PKP4: variants seen among roughly 807,000 people sequenced by gnomAD.
The protein encoded by PKP4 is plakophilin 4.
In PKP4, 90 loss-of-function variants were observed where a neutral mutation model predicts 145.1. That is an observed-to-expected ratio of 0.62 (90% CI 0.52 to 0.74). The LOEUF (loss-of-function observed/expected upper bound fraction) is 0.74. Among genes scored for constraint, PKP4 ranks in the 30% least tolerant of loss-of-function variants. The pLI, the probability that PKP4 is intolerant of heterozygous loss-of-function variation, is 0.00. For synonymous variants in PKP4, 563 were observed against 577.2 expected (o/e 0.98, Z 0.35); for missense variants, 1,340 against 1,482.7 (o/e 0.90, Z 1.58).
At chr2:158,599,144 G>T (rs2050020665) in intron 3 of PKP4, among the ~76,000 whole-genome samples, 2 of 152,198 alleles carry the variant, frequency 1.3e-5, no homozygotes, top group Non-Finnish European at 2.9e-5. Context: ...CATCAGAGGT[G>T]AGTGTTTGAA....
chr2:158,457,173 T>G lies in PKP4; in HGVS notation c.-51T>G, dbSNP rs986725336. The stretch of plus-strand genomic sequence containing the variant: ...CGCAGCGGCGACCCCTCGGCGCCGA[T>G]GTCCCTGATCCCTGGAGCGACGACG... On this transcript the variant is annotated 5_prime_UTR_variant, in exon 1 of 22. It removes an upstream start codon present in the reference 5' UTR. Transcript: ENST00000389759. The G allele has an allele frequency of 1.3e-5, 2 of 151,622 alleles. No homozygotes were observed. The highest frequency in any genetic ancestry group is 2.4e-5 in the African/African-American group (1 of 41,322). The allele number at this position is 151,622 out of a possible 1,614,324, so 9.4% of individuals were successfully genotyped here. A position where few individuals can be genotyped will look rare whatever the true frequency, so the allele number is the denominator to read the frequency against.
chr2:158,673,424 C>T (rs998145777), intron 17 of PKP4, among the ~76,000 whole-genome samples: 2 of 152,210 alleles, frequency 1.3e-5, no homozygotes, highest in African/African-American at 2.4e-5. Flanking sequence ...AGCTCAGGTT[C>T]GTCCCGGCCA....
At chr2:158,502,820 G>A (rs1374923059) in intron 1 of PKP4, among the ~76,000 whole-genome samples, 1 of 152,226 alleles carries the variant, frequency 6.6e-6, no homozygotes, top group Non-Finnish European at 1.5e-5. Flanking sequence ...CAGTGTGTTA[G>A]AGATGGTTTT....
chr2:158,531,769 G>A (rs2043570763), intron 1 of PKP4, among the ~76,000 whole-genome samples: 1 of 152,118 alleles, frequency 6.6e-6, no homozygotes, highest in Non-Finnish European at 1.5e-5. Flanking sequence ...ATTCATACTT[G>A]AGAAGATCCT....
chr2:158,484,116 C>T (rs1451899800), intron 1 of PKP4, among the ~76,000 whole-genome samples: 5 of 150,744 alleles, frequency 3.3e-5, no homozygotes, highest in Non-Finnish European at 5.9e-5. Context: ...GGCGCAATCT[C>T]GGCTCACTGC....
chr2:158,510,284 A>G (rs368334948), intron 1 of PKP4, among the ~76,000 whole-genome samples: 86 of 152,142 alleles, frequency 5.7e-4, no homozygotes, highest in Non-Finnish European at 1.0e-3. Context: ...TCTATTTTCA[A>G]CTCCTCAAAT....
chr2:158,488,897 G>A (rs1350414593), intron 1 of PKP4, among the ~76,000 whole-genome samples: 4 of 152,168 alleles, frequency 2.6e-5, no homozygotes, highest in Non-Finnish European at 4.4e-5. Context: ...GGAGTGGCTG[G>A]AATCAGATAG....
intron 3 of PKP4, among the ~76,000 whole-genome samples, chr2:158,590,264 T>A (rs1320016855): frequency 6.6e-6 from 1 of 151,638 alleles, no homozygotes. Context: ...CTGTCAAATG[T>A]TTGGTTTGCA....
intron 2 of PKP4, among the ~76,000 whole-genome samples, chr2:158,549,433 G>A (rs998884475): frequency 2.0e-5 from 3 of 151,802 alleles, no homozygotes; most frequent in African/African-American, 7.3e-5. Flanking sequence ...TTGGGAAATC[G>A]TTTAGTGGCC....
In PKP4 at chr2:158,625,430, G is replaced by C; in HGVS notation, c.1153+3G>C. Reference sequence around the variant, plus strand: ...ACCCAGGCCAGACAGCCTGACAGGTGCGTACAAGGTGACAGTGCTACATAA... The same window carrying C: ...ACCCAGGCCAGACAGCCTGACAGGTCCGTACAAGGTGACAGTGCTACATAA... On this transcript the variant is annotated splice_donor_region_variant and intron_variant, in intron 7 of 21. Coordinates refer to ENST00000389759, the MANE Select transcript of PKP4 (RefSeq NM_003628.6). 2 of 1,603,286 alleles carry C rather than the reference G, an allele frequency of 1.2e-6. No individual in the cohort carries two copies. Among genetic ancestry groups the C allele is most frequent in the Non-Finnish European group, 1.7e-6 (2 of 1,172,068 alleles).
intron 1 of PKP4, among the ~76,000 whole-genome samples, chr2:158,482,564 C>T (rs950347242): frequency 1.3e-5 from 2 of 152,066 alleles, no homozygotes; most frequent in Non-Finnish European, 2.9e-5. Flanking sequence ...AGGCCAAGTA[C>T]GGTGGTCATG....
rs1414457215 is a variant in PKP4 at position 158,577,274 on chromosome 2, C to T, written c.136C>T (p.Leu46Phe). ...CTTTTATTTTCTTGAATCACAGGAG[C>T]TTCAGTTTCAGCGACTCACCCGAGA... Reference protein sequence around the residue: ...TILASVKEQELQFQRLTRELE... With the variant: ...TILASVKEQEFQFQRLTRELE... The change falls in exon 3 of 22, where the codon CTT becomes TTT. Residue 46 changes from leucine to phenylalanine, a missense_variant. Physicochemically the swap from Leu to Phe is conservative, Grantham distance 22 (BLOSUM62 0). Coordinates refer to ENST00000389759, the MANE Select transcript of PKP4 (RefSeq NM_003628.6). 1.2e-6 allele frequency: 2 copies of T among 1,609,024 alleles called. No homozygotes were observed. Among genetic ancestry groups the T allele is most frequent in the Non-Finnish European group, 1.7e-6 (2 of 1,176,776 alleles).
chr2:158,651,101 T>C (rs2055321075), intron 11 of PKP4, among the ~76,000 whole-genome samples: 1 of 152,234 alleles, frequency 6.6e-6, no homozygotes, highest in South Asian at 2.1e-4. Context: ...ATAGTAGTTT[T>C]ATCCCTGTCT....
intron 2 of PKP4, among the ~76,000 whole-genome samples, chr2:158,560,527 C>T (rs1377513706): frequency 1.3e-5 from 2 of 152,034 alleles, no homozygotes; most frequent in Non-Finnish European, 2.9e-5. Flanking sequence ...TAACATTGTA[C>T]AATGCTAAGA....
intron 10 of PKP4, among the ~76,000 whole-genome samples, chr2:158,641,629 C>T (rs1295511968): frequency 1.3e-5 from 2 of 152,192 alleles, no homozygotes; most frequent in African/African-American, 4.8e-5. Flanking sequence ...TGTTTTTCAT[C>T]ATTTTAATGT....
intron 1 of PKP4, among the ~76,000 whole-genome samples, chr2:158,464,481 T>C (rs954828088): frequency 6.6e-6 from 1 of 152,218 alleles, no homozygotes; most frequent in Non-Finnish European, 1.5e-5. Context: ...AAAATCCGTA[T>C]AGAACTCTAG....
chr2:158,458,136 T>G (rs1689146423), intron 1 of PKP4: 1 of 152,870 alleles, frequency 6.5e-6, no homozygotes, highest in Admixed American at 6.5e-5. Context: ...GTCAGGTGTG[T>G]GTGTACAGCG....
At position 158,485,521 on chromosome 2, in the gene PKP4, G is replaced by C. The variant is rs971135820; in HGVS notation, c.-6+28303G>C. ...ATTTGAAGCCTCCCCAAGACTCTAA[G>C]CTGCATGAACCGTGCATGTTTAGAG... is the stretch of plus-strand genomic sequence containing the variant. On this transcript the variant is annotated intron_variant, in intron 1 of 21. Transcript: ENST00000389759. Among the ~76,000 whole-genome samples the C allele has an allele frequency of 3.3e-5, 5 of 152,124 alleles. No homozygotes were observed. In the South Asian group the frequency reaches 1.0e-3, roughly 31 times the overall value.
chr2:158,472,612 C>CAAAAAA (rs67665979), intron 1 of PKP4, among the ~76,000 whole-genome samples: 2 of 65,120 alleles, frequency 3.1e-5, no homozygotes, highest in Non-Finnish European at 5.7e-5. Context: ...GGCTCCATCT[C>CAAAAAA]AAAAAAAAAA....
Sources: gnomAD v4.1 joint callset for allele counts (sites outside exome capture counted in the v4.1 genomes callset) on GRCh38, gnomAD v4.1.1 for gene constraint, MANE v1.5 for transcripts, NCBI Gene and HGNC (gene_info 2026-07-23, HGNC 2026-07-21) for gene names.